SEMA6A: variants seen among roughly 807,000 people sequenced by gnomAD.
SEMA6A encodes semaphorin-6A.
Under a neutral mutation model 96.8 loss-of-function variants are expected in SEMA6A, and 25 were observed. That is an observed-to-expected ratio of 0.26 (90% CI 0.19 to 0.36). The LOEUF is 0.36. Among genes scored for constraint, SEMA6A ranks in the 10% least tolerant of loss-of-function variants. SEMA6A has a pLI of 1.00. For synonymous variants in SEMA6A, 612 were observed against 518.0 expected (o/e 1.18, Z -2.46); for missense variants, 1,363 against 1,323.1 (o/e 1.03, Z -0.47).
intron 1 of SEMA6A, among the ~76,000 whole-genome samples, chr5:116,542,134 T>C (rs1304840502): frequency 6.6e-6 from 1 of 152,100 alleles, no homozygotes; most frequent in Admixed American, 6.5e-5. Flanking sequence ...GAAATTGGTG[T>C]AGAATTTTTT....
chr5:116,446,499 C>G lies in SEMA6A; in HGVS notation c.*114G>C. ...AGAGGAGGACCCAGCGTCCTCGGCTCTGCCGCAGGCCTTCTTGGTCTGGTG... is the reference window on the plus strand; with the variant it reads ...AGAGGAGGACCCAGCGTCCTCGGCTGTGCCGCAGGCCTTCTTGGTCTGGTG... On this transcript the variant is annotated 3_prime_UTR_variant, in exon 19 of 19. Transcript: ENST00000343348. 2 of 920,328 alleles carry G rather than the reference C, an allele frequency of 2.2e-6. No individual in the cohort carries two copies. The highest frequency in any genetic ancestry group is 3.1e-6 in the Non-Finnish European group (2 of 636,962). The allele number at this position is 920,328 out of a possible 1,614,324, so 57.0% of individuals were successfully genotyped here. A position where few individuals can be genotyped will look rare whatever the true frequency, so the allele number is the denominator to read the frequency against.
intron 1 of SEMA6A, among the ~76,000 whole-genome samples, chr5:116,562,359 A>G (rs1760849769): frequency 6.6e-6 from 1 of 152,262 alleles, no homozygotes; most frequent in Non-Finnish European, 1.5e-5. Flanking sequence ...TTCACAGAGA[A>G]ATATAATTCA....
In SEMA6A at chr5:116,486,872, C is replaced by T. The variant is rs757273500; in HGVS notation, c.839G>A (p.Arg280His). 6.3e-5 allele frequency: 102 copies of T among 1,613,762 alleles called. No homozygotes were observed. Among genetic ancestry groups the T allele is most frequent in the Middle Eastern group, 1.7e-4 (1 of 6,060 alleles). The change falls in exon 10 of 19, where the codon CGC (arginine) becomes CAC (histidine). Residue 280 changes from arginine to histidine, a missense_variant. Arg to His is a conservative substitution (Grantham distance 29). This residue lies in a region of SEMA6A where 480 missense variants were observed against 559.5 expected (regional missense o/e 0.86). Transcript: ENST00000343348. ...EKQWTSFLKA[R>H]LNCSVPGDSH... ...GTCTCCAGGAACTGAGCAGTTCAAG[C>T]GCGCCTTCAGGAACGACGTCCACTG...
At chr5:116,556,567 AAT>A (rs1448891195) in intron 1 of SEMA6A, among the ~76,000 whole-genome samples, 2 of 152,234 alleles carry the variant, frequency 1.3e-5, no homozygotes, top group Admixed American at 1.3e-4. Flanking sequence ...ACAGATGATG[AAT>A]ATGAGGCACA....
chr5:116,495,055 T>C (rs981682403), intron 6 of SEMA6A, among the ~76,000 whole-genome samples: 1 of 152,158 alleles, frequency 6.6e-6, no homozygotes, highest in Non-Finnish European at 1.5e-5. Context: ...TCACTCACCA[T>C]ATAAGTGTGC....
At chr5:116,448,805 C>T (rs1035723158) in intron 18 of SEMA6A, among the ~76,000 whole-genome samples, 3 of 147,838 alleles carry the variant, frequency 2.0e-5, no homozygotes, top group Non-Finnish European at 4.5e-5. Flanking sequence ...AGGTAACTAT[C>T]CTGAATATTT....
intron 11 of SEMA6A, among the ~76,000 whole-genome samples, chr5:116,481,076 C>A (rs1756738053): frequency 6.6e-6 from 1 of 152,188 alleles, no homozygotes. Flanking sequence ...CCTATGTCCA[C>A]ACTGTCTCAA....
At chr5:116,447,986 C>T (rs115283134) in intron 18 of SEMA6A, among the ~76,000 whole-genome samples, 175 bp from the exon 19 acceptor site, 194 of 152,196 alleles carry the variant, frequency 1.3e-3, no homozygotes, top group African/African-American at 4.6e-3. Context: ...CCCCAAGCCC[C>T]TCGTGTGCAG....
intron 18 of SEMA6A, among the ~76,000 whole-genome samples, chr5:116,448,599 G>A (rs914779953): frequency 4.6e-5 from 7 of 151,888 alleles, no homozygotes; most frequent in Non-Finnish European, 8.8e-5. Flanking sequence ...CTTTTCCGAC[G>A]GCCCCCTTGT....
rs547130873 is a variant in SEMA6A, at chr5:116,506,409, A to G, written c.-38-1427T>C. On this transcript the variant is annotated intron_variant, in intron 1 of 18. Transcript: ENST00000343348. The stretch of plus-strand genomic sequence containing the variant: ...TGTGTACATTAAAATTAAACTTTAA[A>G]TGATTACTTGTTCATAAGGGTGAAC... 2.2e-4 allele frequency among the ~76,000 whole-genome samples: 33 copies of G among 152,330 alleles called. No homozygotes were observed. The South Asian group carries it at 6.6e-3, about 31-fold the overall frequency.
chr5:116,454,630 GA>G (rs1175885456), intron 18 of SEMA6A, among the ~76,000 whole-genome samples: 1 of 152,152 alleles, frequency 6.6e-6, no homozygotes, highest in Non-Finnish European at 1.5e-5. Flanking sequence ...TGACCACGCT[GA>G]AAGTGAAATG....
intron 9 of SEMA6A, 105 bp from the exon 10 acceptor site, chr5:116,487,071 TAATACTGTTTCTAAA>T: frequency 1.4e-6 from 1 of 730,464 alleles, no homozygotes; most frequent in Non-Finnish European, 2.3e-6. Flanking sequence ...ACAAGGTGCT[TAATACTGTTTCTAAA>T]ATCAGTAACA....
Position 116,446,587 on chromosome 5 carries a change from C to G in SEMA6A, c.*26G>C. ...GGGCACCTCGCCTTGCCTGCTGGTT[C>G]GACACCTGACCCCCTCCCCCTGGGA... On this transcript the variant is annotated 3_prime_UTR_variant, in exon 19 of 19. Transcript: ENST00000343348. 3 of 1,455,784 alleles carry G rather than the reference C, an allele frequency of 2.1e-6. No homozygotes were observed. Among genetic ancestry groups the G allele is most frequent in the Non-Finnish European group, 2.7e-6 (3 of 1,100,476 alleles). 90.2% of individuals were successfully genotyped at this position (1,455,784 alleles called of 1,614,324 possible).
At chr5:116,553,790 A>G (rs1432379672) in intron 1 of SEMA6A, among the ~76,000 whole-genome samples, 2 of 152,222 alleles carry the variant, frequency 1.3e-5, no homozygotes, top group African/African-American at 4.8e-5. Flanking sequence ...TTAGGGGGGA[A>G]AAAACCAACA....
rs2112562779 is a variant in SEMA6A, at chr5:116,445,255, G to T, written c.*1358C>A. On this transcript the variant is annotated 3_prime_UTR_variant, in exon 19 of 19. Coordinates refer to ENST00000343348, the MANE Select transcript of SEMA6A (RefSeq NM_020796.5). ...ATATCTGCACTTATTTCAAAAGGGGGAACAGTTGATCATAAAGAGTTTACA... is the reference window on the plus strand; with the variant it reads ...ATATCTGCACTTATTTCAAAAGGGGTAACAGTTGATCATAAAGAGTTTACA... 1 of 152,794 alleles carries T rather than the reference G, an allele frequency of 6.5e-6. No individual in the cohort carries two copies. The highest frequency in any genetic ancestry group is 2.1e-4 in the South Asian group (1 of 4,826). 9.5% of individuals were successfully genotyped at this position (152,794 alleles called of 1,614,324 possible).
At chr5:116,496,355 G>A in intron 4 of SEMA6A, 42 bp from the exon 5 acceptor site, 1 of 1,579,602 alleles carries the variant, frequency 6.3e-7, no homozygotes, top group Non-Finnish European at 8.7e-7. Flanking sequence ...CCCAGAGGTT[G>A]TTGCGTTTGA....
At chr5:116,567,362 G>A (rs76456325) in intron 1 of SEMA6A, among the ~76,000 whole-genome samples, 2,509 of 152,006 alleles carry the variant, frequency 0.017, 33 homozygotes, top group Middle Eastern at 0.031. Flanking sequence ...TTACAGATTC[G>A]TAGCCATTTC....
chr5:116,483,638 C>A (rs1424819876), intron 10 of SEMA6A, among the ~76,000 whole-genome samples: 1 of 150,766 alleles, frequency 6.6e-6, no homozygotes, highest in African/African-American at 2.4e-5. Flanking sequence ...ATAATAATTG[C>A]TTAATAATAA....
At chr5:116,482,341 G>T in intron 11 of SEMA6A, 103 bp downstream of exon 11, 1 of 1,256,746 alleles carries the variant, frequency 8.0e-7, no homozygotes, top group Non-Finnish European at 1.1e-6. Context: ...TGCTTGGCTG[G>T]CATGGAAGGC....
Sources: gnomAD v4.1 joint callset for allele counts (sites outside exome capture counted in the v4.1 genomes callset) on GRCh38, gnomAD v4.1.1 for gene constraint, gnomAD v4.1.1 regional missense constraint, MANE v1.5 for transcripts, NCBI Gene and HGNC (gene_info 2026-07-23, HGNC 2026-07-21) for gene names.